STK32B: variants seen among roughly 807,000 people sequenced by gnomAD.
The protein encoded by STK32B is serine/threonine kinase 32B.
A neutral mutation model predicts 52.6 loss-of-function variants in STK32B; 43 were observed. The observed-to-expected ratio is 0.82, with a 90% CI of 0.64 to 1.05. The LOEUF is 1.05. STK32B is among the 50% of genes least tolerant of loss of function. STK32B has a pLI of 0.00. For synonymous variants in STK32B, 238 were observed against 204.3 expected (o/e 1.17, Z -1.41); for missense variants, 621 against 534.6 (o/e 1.16, Z -1.59).
rs915372355 is a variant in STK32B, at chr4:5,386,213, C to T, written c.435-11994C>T. 2.6e-5 allele frequency among the ~76,000 whole-genome samples: 4 copies of T among 152,086 alleles called. No individual in the cohort carries two copies. Among genetic ancestry groups the T allele is most frequent in the African/African-American group, 9.7e-5 (4 of 41,392 alleles). ...ACCCTCACTCTCCCCCTCTATTTCC[C>T]TCAGCGTATCATATTATGCAGTTTT... On this transcript the variant is annotated intron_variant, in intron 4 of 11. Transcript: ENST00000282908. The surrounding 1 kb of genome is among the most constrained non-coding windows in gnomAD (Gnocchi z 4.5).
chr4:5,090,819 G>A (rs1713039034), intron 1 of STK32B, among the ~76,000 whole-genome samples: 1 of 152,138 alleles, frequency 6.6e-6, no homozygotes, highest in South Asian at 2.1e-4. Context: ...AAGATCAGAT[G>A]GTTGTAGATG....
chr4:5,439,296 T>G (rs1714460854), intron 6 of STK32B, among the ~76,000 whole-genome samples: 1 of 151,644 alleles, frequency 6.6e-6, no homozygotes, highest in Admixed American at 6.6e-5. Context: ...ATTGCCATTC[T>G]AACTGGTGTG....
At chr4:5,309,469 C>G (rs1445916156) in intron 3 of STK32B, among the ~76,000 whole-genome samples, 2 of 152,172 alleles carry the variant, frequency 1.3e-5, no homozygotes. Context: ...AGGTATCACA[C>G]TACCAGACTT....
At chr4:5,204,120 C>T (rs959015783) in intron 3 of STK32B, 1 of 152,336 alleles carries the variant, frequency 6.6e-6, no homozygotes, top group South Asian at 2.1e-4. Flanking sequence ...GCAGATGAAG[C>T]CTCATCTCAA....
chr4:5,335,546 T>C (rs576854281), intron 4 of STK32B, among the ~76,000 whole-genome samples: 3,290 of 151,776 alleles, frequency 0.022, 53 homozygotes, highest in East Asian at 0.071. Context: ...GCTCTTGCTT[T>C]TTTAGTTCTT....
chr4:5,141,831 C>A (rs1384226708), intron 2 of STK32B, among the ~76,000 whole-genome samples: 1 of 152,168 alleles, frequency 6.6e-6, no homozygotes, highest in Non-Finnish European at 1.5e-5. Flanking sequence ...CCACCTTCCT[C>A]AGTGGGATGA....
chr4:5,429,611 T>C (rs940236712), intron 6 of STK32B, among the ~76,000 whole-genome samples: 10 of 152,022 alleles, frequency 6.6e-5, no homozygotes, highest in African/African-American at 2.4e-4. Flanking sequence ...TATTTTGCAG[T>C]GGTTAAAAAT....
chr4:5,103,741 G>A (rs1713951083), intron 1 of STK32B, among the ~76,000 whole-genome samples: 1 of 152,130 alleles, frequency 6.6e-6, no homozygotes, highest in Non-Finnish European at 1.5e-5. Flanking sequence ...TACAATTTTA[G>A]TAGCTGTCAT....
chr4:5,460,107 T>C lies in STK32B; in HGVS notation c.788T>C (p.Leu263Pro). The part of the protein sequence containing the change: ...KGMVALLRKL[L>P]TKDPESRVSS... Reference sequence around the variant, plus strand: ...TCATTTGCCCTCTAACTGCAGCTCCTGACCAAGGATCCTGAGAGCCGCGTG... The same window carrying C: ...TCATTTGCCCTCTAACTGCAGCTCCCGACCAAGGATCCTGAGAGCCGCGTG... The change falls in exon 9 of 12, where the codon CTG becomes CCG. Residue 263 changes from leucine (L) to proline (P), a missense_variant. Coordinates refer to ENST00000282908, the MANE Select transcript of STK32B (RefSeq NM_018401.3). This position sits in a 1 kb window ranked among gnomAD's most constrained non-coding sequence, Gnocchi z 4.8. 3.7e-6 allele frequency: 6 copies of C among 1,614,224 alleles called. No individual in the cohort carries two copies. The highest frequency in any genetic ancestry group is 5.1e-6 in the Non-Finnish European group (6 of 1,180,030).
At chr4:5,238,226 T>C (rs1217300386) in intron 3 of STK32B, among the ~76,000 whole-genome samples, 3 of 152,148 alleles carry the variant, frequency 2.0e-5, no homozygotes. Context: ...CTGTGCTTTC[T>C]CTGAAATCTG....
intron 1 of STK32B, among the ~76,000 whole-genome samples, chr4:5,112,127 G>C (rs1477760312): frequency 6.6e-6 from 1 of 152,100 alleles, no homozygotes; most frequent in East Asian, 1.9e-4. Context: ...CAGGGCAGAA[G>C]GGGTTCTCAC....
At chr4:5,065,162 T>A (rs1164668338) in intron 1 of STK32B, among the ~76,000 whole-genome samples, 1 of 152,056 alleles carries the variant, frequency 6.6e-6, no homozygotes, top group African/African-American at 2.4e-5. Flanking sequence ...CAGGGTGCAG[T>A]CAGGACCCAG....
chr4:5,181,146 C>T (rs956118764), intron 3 of STK32B, among the ~76,000 whole-genome samples: 2 of 152,150 alleles, frequency 1.3e-5, no homozygotes, highest in African/African-American at 4.8e-5. Context: ...GGCTATGATG[C>T]TGCTATGGAC....
intron 7 of STK32B, among the ~76,000 whole-genome samples, chr4:5,447,767 G>C (rs1051897136): frequency 2.0e-5 from 3 of 152,232 alleles, no homozygotes; most frequent in Non-Finnish European, 4.4e-5. Flanking sequence ...GGGATAATAA[G>C]ATCCTTTCTG....
At chr4:5,065,210 C>A (rs1232378013) in intron 1 of STK32B, among the ~76,000 whole-genome samples, 1 of 152,122 alleles carries the variant, frequency 6.6e-6, no homozygotes, top group East Asian at 1.9e-4. Flanking sequence ...AATGTAATTC[C>A]AAGAACTGTC....
intron 3 of STK32B, among the ~76,000 whole-genome samples, chr4:5,171,227 G>T (rs1318140674): frequency 6.6e-6 from 1 of 152,014 alleles, no homozygotes; most frequent in Non-Finnish European, 1.5e-5. Context: ...AGATGAGTAG[G>T]TTGCGAAAAT....
At chr4:5,236,173 C>A (rs745932919) in intron 3 of STK32B, among the ~76,000 whole-genome samples, 59 of 152,112 alleles carry the variant, frequency 3.9e-4, no homozygotes, top group Non-Finnish European at 3.5e-4. Context: ...AAAAAGCTCA[C>A]CCTACACTGA....
At chr4:5,286,658 A>G (rs571852140) in intron 3 of STK32B, among the ~76,000 whole-genome samples, 9 of 152,258 alleles carry the variant, frequency 5.9e-5, no homozygotes, top group African/African-American at 2.2e-4. Context: ...TTATAGCACA[A>G]TTTATTTATG....
the STK32B span, among the ~76,000 whole-genome samples, chr4:5,026,545 A>G: frequency 1.5e-4 from 23 of 152,200 alleles, no homozygotes; most frequent in Non-Finnish European, 2.5e-4. Context: ...AGAACAGTAT[A>G]AGGGAAACCA....
Sources: gnomAD v4.1 joint callset for allele counts (sites outside exome capture counted in the v4.1 genomes callset) on GRCh38, gnomAD v4.1.1 for gene constraint, Gnocchi (gnomAD v3.1) non-coding constraint, MANE v1.5 for transcripts, NCBI Gene and HGNC (gene_info 2026-07-23, HGNC 2026-07-21) for gene names.